Variants in RP1 observed in about 807,000 individuals in gnomAD.
The protein encoded by RP1 is RP1 axonemal microtubule associated, also known as oxygen-regulated protein 1.
A neutral mutation model predicts 14.8 loss-of-function variants in RP1; 16 were observed. The ratio of observed to expected loss-of-function variants is 1.08; its 90% CI spans 0.73 to 1.65. The LOEUF (loss-of-function observed/expected upper bound fraction) is 1.65. Among genes scored for constraint, RP1 ranks in the 40% most tolerant of loss-of-function variants. RP1 has a pLI of 0.00. For synonymous variants in RP1, 876 were observed against 883.6 expected, an observed-to-expected ratio of 0.99 and a Z score of 0.15; for missense variants, 2,631 against 2,535.0, an observed-to-expected ratio of 1.04 and a Z score of -0.81.
chr8:54,842,335 T>C (rs941620868), intron 25 of RP1, among the ~76,000 whole-genome samples: 2 of 152,192 alleles, frequency 1.3e-5, no homozygotes, highest in African/African-American at 2.4e-5. Context: ...ACAACATCTA[T>C]TGCCAGAATG....
At chr8:54,771,557 C>G (rs1400904047), downstream of RP1, among the ~76,000 whole-genome samples, 1 of 151,828 alleles carries the variant, frequency 6.6e-6, no homozygotes. Context: ...AAAATGCTTC[C>G]TTCTAATTAA....
intron 7 of RP1, chr8:54,663,860 A>T: frequency 1.3e-6 from 2 of 1,511,232 alleles, no homozygotes; most frequent in Non-Finnish European, 8.8e-7. Context: ...AGTAAGCAAA[A>T]TGCCCTTTGA....
intron 25 of RP1, among the ~76,000 whole-genome samples, chr8:54,850,402 C>G (rs1001112554): frequency 2.0e-5 from 3 of 152,168 alleles, no homozygotes; most frequent in Non-Finnish European, 4.4e-5. Context: ...TTGAGCTCCC[C>G]CAGGAGTTCA....
At chr8:54,786,175 G>A (rs1335988378) in intron 24 of RP1, among the ~76,000 whole-genome samples, 1 of 151,982 alleles carries the variant, frequency 6.6e-6, no homozygotes. Context: ...ATTTCTTGTA[G>A]GGCAGGTCTG....
chr8:54,758,964 C>A, exon 22 of RP1: 1 of 1,535,858 alleles, frequency 6.5e-7, no homozygotes, highest in South Asian at 1.2e-5. Context: ...TGGAAAACTG[C>A]AGAAGGTGCT....
intron 24 of RP1, among the ~76,000 whole-genome samples, chr8:54,801,017 C>T (rs1810691715): frequency 6.6e-6 from 1 of 152,170 alleles, no homozygotes; most frequent in Admixed American, 6.5e-5. Flanking sequence ...TTCTGCTCTG[C>T]ATTTAGTGGA....
intron 1 of RP1, among the ~76,000 whole-genome samples, chr8:54,601,878 G>A (rs747101822): frequency 2.0e-5 from 3 of 152,160 alleles, no homozygotes; most frequent in Non-Finnish European, 4.4e-5. Context: ...GTTCAAAATA[G>A]GCAAATCCAT....
intron 24 of RP1, among the ~76,000 whole-genome samples, chr8:54,797,903 G>T: frequency 3.4e-5 from 4 of 116,786 alleles, no homozygotes; most frequent in African/African-American, 7.0e-5. Context: ...TTAACCATAA[G>T]CCTATGGTTT....
intron 1 of RP1, among the ~76,000 whole-genome samples, chr8:54,565,810 G>A (rs1043481017): frequency 5.9e-5 from 9 of 152,146 alleles, no homozygotes; most frequent in Admixed American, 3.9e-4. Context: ...CAGACTGTGC[G>A]GCTTGAAAAA....
intron 1 of RP1, among the ~76,000 whole-genome samples, chr8:54,588,737 T>A (rs777538857): frequency 6.6e-6 from 1 of 152,206 alleles, no homozygotes; most frequent in Non-Finnish European, 1.5e-5. Context: ...TAGATGTACA[T>A]GGGCCTCCCT....
intron 27 of RP1, among the ~76,000 whole-genome samples, chr8:54,859,229 G>A (rs1188801741): frequency 6.6e-6 from 1 of 151,900 alleles, no homozygotes; most frequent in Non-Finnish European, 1.5e-5. Context: ...TGTCACTGTA[G>A]AGGGGTGTCA....
chr8:54,797,946 G>A (rs1810615031), intron 24 of RP1, among the ~76,000 whole-genome samples: 1 of 138,624 alleles, frequency 7.2e-6, no homozygotes, highest in Non-Finnish European at 1.5e-5. Flanking sequence ...GGTGATTTTA[G>A]ACACATGTCA....
At chr8:54,826,949 C>G (rs1811397935) in intron 24 of RP1, among the ~76,000 whole-genome samples, 1 of 152,222 alleles carries the variant, frequency 6.6e-6, no homozygotes, top group African/African-American at 2.4e-5. Context: ...TGAACCTGTA[C>G]TACTAAGTAC....
chr8:54,744,577 C>G (rs184917087), intron 19 of RP1, among the ~76,000 whole-genome samples: 2 of 152,160 alleles, frequency 1.3e-5, no homozygotes, highest in Non-Finnish European at 2.9e-5. Context: ...TTGATAAATA[C>G]ATAGACCTAC....
intron 26 of RP1, among the ~76,000 whole-genome samples, chr8:54,854,049 T>G (rs1030423470): frequency 1.3e-5 from 2 of 152,100 alleles, no homozygotes; most frequent in Non-Finnish European, 2.9e-5. Flanking sequence ...ATATACTATG[T>G]TCAGGGACTC....
intron 1 of RP1, among the ~76,000 whole-genome samples, chr8:54,582,270 C>T (rs970201259): frequency 6.6e-6 from 1 of 151,754 alleles, no homozygotes; most frequent in Non-Finnish European, 1.5e-5. Flanking sequence ...ATCCTTTCCC[C>T]ATTTCTTGTT....
chr8:54,787,461 G>T (rs769246701), intron 24 of RP1, among the ~76,000 whole-genome samples: 3 of 152,166 alleles, frequency 2.0e-5, no homozygotes, highest in East Asian at 1.9e-4. Context: ...TCTAGGGGGC[G>T]TTCATTGTTG....
In RP1 at chr8:54,626,778, A is replaced by G. The variant is rs1404194299; in HGVS notation, c.2896A>G (p.Asn966Asp). 6.2e-7 allele frequency: 1 copy of G among 1,613,712 alleles called. No individual in the cohort carries two copies. The highest frequency in any genetic ancestry group is 8.5e-7 in the Non-Finnish European group (1 of 1,179,928). The change falls in exon 4 of 4, where the codon AAT (asparagine) becomes GAT (aspartate). Residue 966 changes from asparagine to aspartate, a missense_variant. Asn to Asp is a conservative substitution (Grantham distance 23). Coordinates refer to ENST00000220676, the MANE Select transcript of RP1 (RefSeq NM_006269.2). ...CCATACAAATTCTGGAAAAATAAGT[A>G]ATTTTGTTATGGAAAGTAATAAGCA... The part of the protein sequence containing the change: ...DPHTNSGKIS[N>D]FVMESNKHIT...
intron 12 of RP1, among the ~76,000 whole-genome samples, chr8:54,697,563 G>C (rs1484933259): frequency 6.6e-6 from 1 of 152,012 alleles, no homozygotes; most frequent in Non-Finnish European, 1.5e-5. Flanking sequence ...CTCAAAAAAA[G>C]AAAAGAAAAG....
Sources: allele counts gnomAD v4.1 joint callset (sites outside exome capture counted in the v4.1 genomes callset), GRCh38; gene constraint gnomAD v4.1.1; transcripts MANE v1.5; gene names NCBI Gene and HGNC (gene_info 2026-07-23, HGNC 2026-07-21).